The following PIEZO1 variants were observed in gnomAD, a reference collection of about 807,000 sequenced individuals.
PIEZO1 encodes piezo-type mechanosensitive ion channel component 1.
A neutral mutation model predicts 297.2 loss-of-function variants in PIEZO1; 296 were observed. The observed-to-expected ratio is 1.00, with a 90% CI of 0.91 to 1.10. The LOEUF (loss-of-function observed/expected upper bound fraction) is 1.10, where lower values mean the gene tolerates loss of function less well. Among genes scored for constraint, PIEZO1 ranks in the 50% least tolerant of loss-of-function variants. The pLI is 0.00. For synonymous variants in PIEZO1, 2,427 were observed against 1,507.5 expected (o/e 1.61, Z -14.13); for missense variants, 5,018 against 3,455.5 (o/e 1.45, Z -11.34).
intron 1 of PIEZO1, among the ~76,000 whole-genome samples, chr16:88,749,873 C>T (rs974870695): frequency 6.7e-6 from 1 of 150,130 alleles, no homozygotes; most frequent in Non-Finnish European, 1.5e-5. Flanking sequence ...ACCGAAAATA[C>T]AAAAATTAGC....
At chr16:88,755,325 G>A (rs917384769) in intron 1 of PIEZO1, among the ~76,000 whole-genome samples, 1 of 152,244 alleles carries the variant, frequency 6.6e-6, no homozygotes, top group African/African-American at 2.4e-5. Context: ...CTGGCTGGTT[G>A]ATGCATCATC....
At chr16:88,760,581 C>G (rs1369427469) in intron 1 of PIEZO1, among the ~76,000 whole-genome samples, 1 of 152,166 alleles carries the variant, frequency 6.6e-6, no homozygotes, top group Non-Finnish European at 1.5e-5. Flanking sequence ...GGGAACGACC[C>G]GCCTTTAAGG....
At chr16:88,779,330 C>T (rs1907819601) in intron 1 of PIEZO1, among the ~76,000 whole-genome samples, 1 of 152,198 alleles carries the variant, frequency 6.6e-6, no homozygotes, top group Non-Finnish European at 1.5e-5. Context: ...TGAGCCACCG[C>T]GCCCGGCAAG....
rs906703800 is a variant in PIEZO1, at chr16:88,715,712, C to T, written c.7459G>A (p.Val2487Met). Reference sequence around the variant, plus strand: ...AGCTCCAGCTCCCGAGTCTCCCGCACCAGGAAGATGTCCTGGCAGAGCTTG... The same window carrying T: ...AGCTCCAGCTCCCGAGTCTCCCGCATCAGGAAGATGTCCTGGCAGAGCTTG... ...ILKLCQDIFL[V>M]RETRELELEE... is the part of the protein sequence containing the mutation. The change falls in exon 51 of 51, where the codon GTG becomes ATG. Residue 2487 changes from valine (V) to methionine (M), a missense_variant. Transcript: ENST00000301015. 4.5e-6 allele frequency: 7 copies of T among 1,550,350 alleles called. 1 individual carries two copies. In the African/African-American group the frequency reaches 6.8e-5, roughly 15 times the overall value.
Position 88,721,992 on chromosome 16 carries a change from C to T in PIEZO1, c.5030G>A (p.Arg1677Gln), listed in dbSNP as rs1411995127. 13 of 1,549,236 alleles carry T rather than the reference C, an allele frequency of 8.4e-6. No individual in the cohort carries two copies. Among genetic ancestry groups the T allele is most frequent in the East Asian group, 4.9e-5 (2 of 40,910 alleles). Residue 1677 changes from arginine to glutamine, a missense_variant, in exon 37 of 51, where the codon CGG becomes CAG. Arg to Gln is a conservative substitution (Grantham distance 43). Transcript: ENST00000301015. Reference protein sequence around the residue: ...EGQGRALRLLRAVYQCVAAHS... With the variant: ...EGQGRALRLLQAVYQCVAAHS... ...GGCGGCCACACACTGGTACACGGCC[C>T]GCAGCAGCCGCAGCGCCCGGCCCTG...
In PIEZO1 at chr16:88,721,999, G is replaced by C. The variant is rs747232318; in HGVS notation, c.5023C>G (p.Leu1675Val). ...ACACACTGGTACACGGCCCGCAGCA[G>C]CCGCAGCGCCCGGCCCTGCCCCTCC... ...FAEGQGRALRLLRAVYQCVAA... is the reference protein window; with the variant it reads ...FAEGQGRALRVLRAVYQCVAA... The change falls in exon 37 of 51, where the codon CTG (leucine) becomes GTG (valine). Residue 1675 changes from leucine to valine, a missense_variant. Coordinates refer to ENST00000301015, the MANE Select transcript of PIEZO1 (RefSeq NM_001142864.4). 6 of 1,549,226 alleles carry C rather than the reference G, an allele frequency of 3.9e-6. No individual in the cohort carries two copies. In the African/African-American group the frequency reaches 8.2e-5, roughly 21 times the overall value.
At position 88,716,758 on chromosome 16, in the gene PIEZO1, C is replaced by A. The variant is rs766987104; in HGVS notation, c.6754-27G>T. ...TGGGTACAAGTGACACCCTCAGTGACTGCAGCCGCCTCCCCACACCAGCTT... is the reference window on the plus strand; with the variant it reads ...TGGGTACAAGTGACACCCTCAGTGAATGCAGCCGCCTCCCCACACCAGCTT... On this transcript the variant is annotated intron_variant, in intron 46 of 50. Coordinates refer to ENST00000301015, the MANE Select transcript of PIEZO1 (RefSeq NM_001142864.4). 63 of 1,548,574 alleles carry A rather than the reference C, an allele frequency of 4.1e-5. No homozygotes were observed. In the East Asian group the frequency reaches 1.1e-3, roughly 27 times the overall value.
chr16:88,774,281 C>T (rs981927007), intron 1 of PIEZO1, among the ~76,000 whole-genome samples: 1 of 152,262 alleles, frequency 6.6e-6, no homozygotes, highest in African/African-American at 2.4e-5. Flanking sequence ...ATCCCAGCTA[C>T]TCAGGAGGCT....
rs918800272 is a variant in PIEZO1, at chr16:88,734,502, G to C, written c.2034C>G (p.Ser678=). 8 of 1,548,042 alleles carry C rather than the reference G, an allele frequency of 5.2e-6. No individual in the cohort carries two copies. The Admixed American group carries it at 5.9e-5, about 11-fold the overall frequency. ...GDLGLEQFSV[S]ELFSSILVPG... ...GCACCAGGATGCTGGAGAAGAGCTC[G>C]GACACGCTGAACTGCTCCAGGCCCA... Residue 678 remains serine, a synonymous_variant, in exon 16 of 51, where the codon TCC becomes TCG. Transcript: ENST00000301015.
intron 30 of PIEZO1, among the ~76,000 whole-genome samples, chr16:88,724,327 T>TC (rs746904881): frequency 6.6e-6 from 1 of 152,222 alleles, no homozygotes; most frequent in East Asian, 1.9e-4. Context: ...AGTCAGAGGT[T>TC]CGAGACCAGC....
In PIEZO1 at chr16:88,724,916, G is replaced by A. The variant is rs868231038; in HGVS notation, c.4234+93C>T. On this transcript the variant is annotated intron_variant, in intron 30 of 50. Coordinates refer to ENST00000301015, the MANE Select transcript of PIEZO1 (RefSeq NM_001142864.4). ...CTGACGCTCAGGGCCTGGGAGTCGG[G>A]GGAAGGGAGGGGAAGATAGCAGGCC... 28 of 799,242 alleles carry A rather than the reference G, an allele frequency of 3.5e-5. No individual in the cohort carries two copies. The South Asian group carries it at 4.6e-4, about 13-fold the overall frequency. The allele number at this position is 799,242 out of a possible 1,614,324, so 49.5% of individuals were successfully genotyped here. A position where few individuals can be genotyped will look rare whatever the true frequency, so the allele number is the denominator to read the frequency against.
At chr16:88,743,661 G>A (rs1481768897) in intron 2 of PIEZO1, 1 of 456,450 alleles carries the variant, frequency 2.2e-6, no homozygotes, top group East Asian at 6.9e-5. Flanking sequence ...CCCTCTTTCT[G>A]GAGCAAAGAC....
chr16:88,765,720 G>T (rs1251176800), intron 1 of PIEZO1, among the ~76,000 whole-genome samples: 1 of 150,474 alleles, frequency 6.6e-6, no homozygotes, highest in Non-Finnish European at 1.5e-5. Context: ...GCCCGCCCAG[G>T]CTGGAGTGCA....
rs1008033497 is a variant in PIEZO1 at position 88,738,863 on chromosome 16, G to A, written c.466-127C>T. On this transcript the variant is annotated intron_variant, in intron 5 of 50. Transcript: ENST00000301015. ...ACAGCTGCTCCTCTGAGGGCCACAGGACAGCCTCCCCGGGCACAGGCCCCA... is the reference window on the plus strand; with the variant it reads ...ACAGCTGCTCCTCTGAGGGCCACAGAACAGCCTCCCCGGGCACAGGCCCCA... 128 of 819,784 alleles carry A rather than the reference G, an allele frequency of 1.6e-4. 1 individual carries two copies. In the East Asian group the frequency reaches 3.0e-3, roughly 19 times the overall value. The allele number at this position is 819,784 out of a possible 1,614,324, so 50.8% of individuals were successfully genotyped here. A position where few individuals can be genotyped will look rare whatever the true frequency, so the allele number is the denominator to read the frequency against.
intron 27 of PIEZO1, 84 bp downstream of exon 27, chr16:88,726,200 G>C: frequency 8.3e-7 from 1 of 1,206,386 alleles, no homozygotes; most frequent in Non-Finnish European, 1.1e-6. Context: ...CCACGGGCCG[G>C]GGCCTGAGAC....
rs574964112 is a variant in PIEZO1, at chr16:88,773,210, C to G, written c.64+11691G>C. On this transcript the variant is annotated intron_variant, in intron 1 of 50. Transcript: ENST00000301015. Reference sequence around the variant, plus strand: ...CTCCCCCTCTGGCCCCCCAGTAACTCCCGGCGTCACGCCCAGGCCCTCGCT... The same window carrying G: ...CTCCCCCTCTGGCCCCCCAGTAACTGCCGGCGTCACGCCCAGGCCCTCGCT... Among the ~76,000 whole-genome samples the G allele has an allele frequency of 1.5e-4, 23 of 152,366 alleles. No individual in the cohort carries two copies. In the East Asian group the frequency reaches 4.2e-3, roughly 28 times the overall value.
Position 88,715,359 on chromosome 16 carries a change from A to ATAAAACATTTTTTAAT in PIEZO1, c.*230_*245dup. The stretch of plus-strand genomic sequence containing the variant: ...GGCCTCTGATTGTCCATTTGTATAA[A>ATAAAACATTTTTTAAT]TAAAACATTTTTTAATTAAAAAAAA... On this transcript the variant is annotated 3_prime_UTR_variant, in exon 51 of 51. Transcript: ENST00000301015. 1 of 1,240,656 alleles carries ATAAAACATTTTTTAAT rather than the reference A, an allele frequency of 8.1e-7. No homozygotes were observed. Among genetic ancestry groups the ATAAAACATTTTTTAAT allele is most frequent in the Non-Finnish European group, 1.1e-6 (1 of 904,746 alleles). 76.9% of individuals were successfully genotyped at this position (1,240,656 alleles called of 1,614,324 possible).
Position 88,733,269 on chromosome 16 carries a change from G to C in PIEZO1, c.2664+9C>G. On this transcript the variant is annotated intron_variant, in intron 19 of 50. Transcript: ENST00000301015. ...GCTTCCTCCCGTCCCAGCCCTCGGGGGCCGGTACCTCGGTGCAGTTGCTGG... is the reference window on the plus strand; with the variant it reads ...GCTTCCTCCCGTCCCAGCCCTCGGGCGCCGGTACCTCGGTGCAGTTGCTGG... 1 of 1,536,786 alleles carries C rather than the reference G, an allele frequency of 6.5e-7. No individual in the cohort carries two copies. Among genetic ancestry groups the C allele is most frequent in the Non-Finnish European group, 8.8e-7 (1 of 1,135,740 alleles).
intron 1 of PIEZO1, among the ~76,000 whole-genome samples, chr16:88,757,327 T>TGGGGGGGG (rs200851830): frequency 7.0e-5 from 3 of 42,698 alleles, no homozygotes; most frequent in Non-Finnish European, 1.0e-4. Flanking sequence ...GGCGGGGGGG[T>TGGGGGGGG]GGGGGGTAGT....
Sources: allele counts gnomAD v4.1 joint callset (sites outside exome capture counted in the v4.1 genomes callset), GRCh38; gene constraint gnomAD v4.1.1; transcripts MANE v1.5; gene names NCBI Gene and HGNC (gene_info 2026-07-23, HGNC 2026-07-21).